SEC16B: variants seen among roughly 807,000 people sequenced by gnomAD.
SEC16B encodes SEC16 homolog B, endoplasmic reticulum export factor.
SEC16B carries 115 observed loss-of-function variants against 141.8 expected under a neutral mutation model. The ratio of observed to expected loss-of-function variants is 0.81; its 90% CI spans 0.70 to 0.95. The LOEUF (loss-of-function observed/expected upper bound fraction) is 0.95. SEC16B is among the 40% of genes least tolerant of loss of function. The pLI is 0.00. For missense variants in SEC16B, 1,291 were observed against 1,312.3 expected, an observed-to-expected ratio of 0.98 and a Z score of 0.25; for synonymous variants, 493 against 492.5, an observed-to-expected ratio of 1.00 and a Z score of -0.01.
At chr1:177,942,655 G>A (rs1032124104) in intron 15 of SEC16B, among the ~76,000 whole-genome samples, 3 of 151,918 alleles carry the variant, frequency 2.0e-5, no homozygotes, top group Non-Finnish European at 4.4e-5. Flanking sequence ...GCAACAGAGT[G>A]AGACTCTGTC....
chr1:177,950,523 T>C (rs1423071203), intron 12 of SEC16B, among the ~76,000 whole-genome samples: 1 of 152,050 alleles, frequency 6.6e-6, no homozygotes, highest in Admixed American at 6.6e-5. Flanking sequence ...ACAGAATGTA[T>C]ACAAATACAC....
chr1:177,934,834 G>A lies in SEC16B; in HGVS notation c.2572-1198C>T, dbSNP rs913438882. Among the ~76,000 whole-genome samples the A allele has an allele frequency of 2.0e-5, 3 of 152,134 alleles. No homozygotes were observed. In the East Asian group the frequency reaches 5.8e-4, roughly 29 times the overall value. Reference sequence around the variant, plus strand: ...AGAAAAGGAAGGAGGAATGGAGGGAGGGAGGGGAAAGGACGCAACACTCAC... The same window carrying A: ...AGAAAAGGAAGGAGGAATGGAGGGAAGGAGGGGAAAGGACGCAACACTCAC... On this transcript the variant is annotated intron_variant, in intron 20 of 25. Transcript: ENST00000308284.
At chr1:177,960,479 A>AC in intron 7 of SEC16B, 76 bp from the exon 8 acceptor site, 1 of 1,036,960 alleles carries the variant, frequency 9.6e-7, no homozygotes, top group Non-Finnish European at 1.5e-6. Context: ...CTAGTGTCAG[A>AC]CCCCAAGGCC....
rs755716389 is a variant in SEC16B at position 177,958,295 on chromosome 1, C to T, written c.1202G>A (p.Arg401Gln). 5 of 1,610,150 alleles carry T rather than the reference C, an allele frequency of 3.1e-6. No individual in the cohort carries two copies. The highest frequency in any genetic ancestry group is 1.3e-5 in the African/African-American group (1 of 74,932). Residue 401 changes from arginine to glutamine, a missense_variant, in exon 10 of 26, where the codon CGG becomes CAG. This residue lies in a region of SEC16B where 681 missense variants were observed against 675.5 expected (regional missense o/e 1.01). Transcript: ENST00000308284. The stretch of plus-strand genomic sequence containing the variant: ...GATGAGGTTGGCCACAGGGGGCTGC[C>T]GCTTGTACTTCTCCAGCTTCTTGCA... The part of the protein sequence containing the change: ...QDCKKLEKYK[R>Q]QPPVANLINL...
intron 13 of SEC16B, among the ~76,000 whole-genome samples, chr1:177,947,057 C>G (rs922631673): frequency 2.0e-5 from 3 of 152,186 alleles, no homozygotes; most frequent in African/African-American, 7.2e-5. Flanking sequence ...CAGTGCCTGG[C>G]CCCCAAGAAG....
At chr1:177,946,893 C>A (rs1483125788) in intron 13 of SEC16B, among the ~76,000 whole-genome samples, 1 of 152,162 alleles carries the variant, frequency 6.6e-6, no homozygotes, top group Admixed American at 6.5e-5. Flanking sequence ...TGAGAGTGGT[C>A]GTTCTTAAAC....
In SEC16B at chr1:177,933,618, G is replaced by C. The variant is rs591120; in HGVS notation, c.2590C>G (p.Pro864Ala). Residue 864 changes from proline (P) to alanine (A), a missense_variant, in exon 21 of 26, where the codon CCA becomes GCA. Physicochemically the swap from Pro to Ala is conservative, Grantham distance 27. Transcript: ENST00000308284. ...SKPQTPLAAR[P>A]RSISESSASS... is the part of the protein sequence containing the mutation. ...GCGGAACTCTCAGAAATACTTCGTG[G>C]TCTAGCAGCCAATGGTGTCTGGAAT... is the stretch of plus-strand genomic sequence containing the variant. The C allele has an allele frequency of 0.44, 714,170 of 1,611,502 alleles. 159,743 individuals carry two copies. Among genetic ancestry groups the C allele is most frequent in the African/African-American group, 0.47 (34,835 of 74,912 alleles).
chr1:177,976,156 C>T (rs1405519235), intron 1 of SEC16B, among the ~76,000 whole-genome samples: 1 of 152,194 alleles, frequency 6.6e-6, no homozygotes, highest in Non-Finnish European at 1.5e-5. Context: ...TACGTAGCTG[C>T]CTGCAAACCT....
chr1:177,944,014 T>C (rs968328421), intron 15 of SEC16B, among the ~76,000 whole-genome samples: 3 of 152,184 alleles, frequency 2.0e-5, no homozygotes, highest in South Asian at 2.1e-4. Context: ...AACAGCATCA[T>C]GTAGAAACGT....
Position 177,940,720 on chromosome 1 carries a change from C to T in SEC16B, c.2023-6G>A. 1 of 1,608,048 alleles carries T rather than the reference C, an allele frequency of 6.2e-7. No individual in the cohort carries two copies. The highest frequency in any genetic ancestry group is 8.5e-7 in the Non-Finnish European group (1 of 1,175,668). The stretch of plus-strand genomic sequence containing the variant: ...AGCTTCAGTTTCTCTGCTAGCTGTG[C>T]CAGGTTTCCAGATGGGTTAGGGGCA... On this transcript the variant is annotated splice_region_variant and splice_polypyrimidine_tract_variant and intron_variant, in intron 16 of 25. Transcript: ENST00000308284.
In SEC16B at chr1:177,967,707, C is replaced by A. The variant is rs775270454; in HGVS notation, c.275G>T (p.Gly92Val). 2.2e-5 allele frequency: 35 copies of A among 1,605,684 alleles called. No homozygotes were observed. Among genetic ancestry groups the A allele is most frequent in the Admixed American group, 5.0e-5 (3 of 59,690 alleles). The change falls in exon 2 of 26, where the codon GGT (glycine) becomes GTT (valine). Residue 92 changes from glycine (G) to valine (V), a missense_variant. By Grantham distance (109) the Gly-to-Val change is moderately radical. This residue lies in a region of SEC16B where 681 missense variants were observed against 675.5 expected (regional missense o/e 1.01). Transcript: ENST00000308284. ...PVSGVDYYEG[G>V]YRNQLYSRPG... ...CCTTGAATACAACTGATTGCGATAA[C>A]CACCTTCGTAATAGTCAACTCCAGA... is the stretch of plus-strand genomic sequence containing the variant.
At chr1:177,957,117 C>G (rs554662353) in intron 10 of SEC16B, among the ~76,000 whole-genome samples, 1 of 152,110 alleles carries the variant, frequency 6.6e-6, no homozygotes, top group East Asian at 1.9e-4. Flanking sequence ...TATAAAGAAC[C>G]TTTTAAAAGT....
chr1:177,936,236 A>G, intron 20 of SEC16B, 62 bp downstream of exon 20: 1 of 1,383,838 alleles, frequency 7.2e-7, no homozygotes. Context: ...AAACCAAGGC[A>G]ACTGGTAAAA....
intron 1 of SEC16B, among the ~76,000 whole-genome samples, chr1:177,975,234 T>G (rs1654125979): frequency 6.6e-6 from 1 of 152,244 alleles, no homozygotes; most frequent in African/African-American, 2.4e-5. Context: ...GATGTCAGCC[T>G]TCTGTGCTTT....
At chr1:177,946,017 A>AT (rs995524351) in intron 14 of SEC16B, 2 of 380,020 alleles carry the variant, frequency 5.3e-6, no homozygotes, top group African/African-American at 4.1e-5. Flanking sequence ...AACTTCTTCC[A>AT]TTTTCCAGTT....
chr1:177,983,172 T>C (rs1654488775), intron 1 of SEC16B, among the ~76,000 whole-genome samples: 1 of 152,136 alleles, frequency 6.6e-6, no homozygotes, highest in Non-Finnish European at 1.5e-5. Context: ...AGGTGAGCAA[T>C]CAATTACTGA....
At chr1:177,945,217 G>C (rs1651592988) in intron 14 of SEC16B, 1 of 152,462 alleles carries the variant, frequency 6.6e-6, no homozygotes, top group Non-Finnish European at 1.5e-5. Flanking sequence ...AGTGAGGATG[G>C]GGACTGAGTG....
chr1:177,950,788 A>T (rs1652126622), intron 12 of SEC16B, among the ~76,000 whole-genome samples: 1 of 151,968 alleles, frequency 6.6e-6, no homozygotes, highest in African/African-American at 2.4e-5. Flanking sequence ...AATTGAAGAA[A>T]TAAAGACAGA....
At position 177,967,721 on chromosome 1, in the gene SEC16B, G is replaced by A. The variant is rs778791760; in HGVS notation, c.261C>T (p.Asp87=). ...GATTGCGATAACCACCTTCGTAATA[G>A]TCAACTCCAGACACAGGCTGATGCC... ...GDWHQPVSGV[D]YYEGGYRNQL... The change falls in exon 2 of 26, where the codon GAC becomes GAT. Residue 87 remains aspartate (D), a synonymous_variant. Coordinates refer to ENST00000308284, the MANE Select transcript of SEC16B (RefSeq NM_033127.4). The A allele has an allele frequency of 1.2e-6, 2 of 1,610,598 alleles. No homozygotes were observed. Among genetic ancestry groups the A allele is most frequent in the Non-Finnish European group, 1.7e-6 (2 of 1,177,304 alleles).
Sources: gnomAD v4.1 joint callset for allele counts (sites outside exome capture counted in the v4.1 genomes callset) on GRCh38, gnomAD v4.1.1 for gene constraint, gnomAD v4.1.1 regional missense constraint, MANE v1.5 for transcripts, NCBI Gene and HGNC (gene_info 2026-07-23, HGNC 2026-07-21) for gene names.